Variants in ZFYVE26 observed in about 807,000 individuals in gnomAD.
The protein encoded by ZFYVE26 is zinc finger FYVE domain-containing protein 26.
A neutral mutation model predicts 276.5 loss-of-function variants in ZFYVE26; 181 were observed. The ratio of observed to expected loss-of-function variants is 0.65; its 90% CI spans 0.58 to 0.74. The LOEUF (loss-of-function observed/expected upper bound fraction) is 0.74, where lower values mean the gene tolerates loss of function less well. ZFYVE26 is among the 30% of genes least tolerant of loss of function. The pLI, the probability that ZFYVE26 is intolerant of heterozygous loss-of-function variation, is 0.00. For synonymous variants in ZFYVE26, 1,129 were observed against 1,203.1 expected (o/e 0.94, Z 1.27); for missense variants, 2,821 against 3,097.9 (o/e 0.91, Z 2.12).
At chr14:67,735,476 C>G (rs779814692) in intron 13 of ZFYVE26, 11 of 576,828 alleles carry the variant, frequency 1.9e-5, no homozygotes, top group South Asian at 1.5e-4. Context: ...GATTGGTGGC[C>G]GAGACACCGT....
intron 24 of ZFYVE26, 137 bp downstream of exon 24, chr14:67,777,989 G>C: frequency 7.2e-7 from 1 of 1,383,124 alleles, no homozygotes; most frequent in Non-Finnish European, 1.0e-6. Flanking sequence ...TGCTCAAGAT[G>C]ACTATAACCA....
At position 67,748,130 on chromosome 14, in the gene ZFYVE26, G is replaced by T; in HGVS notation, c.*306C>A. 2.5e-6 allele frequency: 1 copy of T among 405,670 alleles called. No homozygotes were observed. 25.1% of individuals were successfully genotyped at this position (405,670 alleles called of 1,614,324 possible). On this transcript the variant is annotated 3_prime_UTR_variant, in exon 42 of 42. Transcript: ENST00000347230. ...TTCATTTGTTCAGAAATGCTTGGGC[G>T]TAAACATCAGCGCACAGGAACATGC...
At chr14:67,782,486 G>A (rs1486621946) in intron 21 of ZFYVE26, among the ~76,000 whole-genome samples, 1 of 152,126 alleles carries the variant, frequency 6.6e-6, no homozygotes, top group Non-Finnish European at 1.5e-5. Context: ...CTGGGGAAGG[G>A]ACCCAAACAT....
chr14:67,809,172 G>C lies in ZFYVE26; in HGVS notation c.363+28C>G, dbSNP rs776275312. On this transcript the variant is annotated intron_variant, in intron 4 of 41. Coordinates refer to ENST00000347230, the MANE Select transcript of ZFYVE26 (RefSeq NM_015346.4). Reference sequence around the variant, plus strand: ...GCTGCTTAAGTGACTGTCAACCCTGGGCAGATGGTACCAGGGCTCTCTCTC... The same window carrying C: ...GCTGCTTAAGTGACTGTCAACCCTGCGCAGATGGTACCAGGGCTCTCTCTC... 21 of 1,591,846 alleles carry C rather than the reference G, an allele frequency of 1.3e-5. No homozygotes were observed. In the South Asian group the frequency reaches 2.3e-4, roughly 18 times the overall value.
intron 39 of ZFYVE26, among the ~76,000 whole-genome samples, chr14:67,752,998 C>T (rs947886644): frequency 9.9e-5 from 15 of 152,158 alleles, no homozygotes; most frequent in African/African-American, 3.1e-4. Flanking sequence ...TGCCACAGGG[C>T]CTGGGTGGAG....
chr14:67,788,104 T>A (rs2140230564), intron 16 of ZFYVE26, among the ~76,000 whole-genome samples: 1 of 151,440 alleles, frequency 6.6e-6, no homozygotes. Flanking sequence ...AAAAAAACCG[T>A]GGGTGGTTGG....
chr14:67,799,551 A>G lies in ZFYVE26; in HGVS notation c.1640-929T>C, dbSNP rs1005823432. ...TTTCTGGCTCAGATGGAAGCAAAGT[A>G]CTGCAAGTCTTCCAAAGGAGGAGGG... On this transcript the variant is annotated intron_variant, in intron 10 of 41. Coordinates refer to ENST00000347230, the MANE Select transcript of ZFYVE26 (RefSeq NM_015346.4). 72 of 1,536,166 alleles carry G rather than the reference A, an allele frequency of 4.7e-5. 1 individual carries two copies. Among genetic ancestry groups the G allele is most frequent in the African/African-American group, 1.4e-5 (1 of 73,152 alleles).
intron 6 of ZFYVE26, 64 bp downstream of exon 6, chr14:67,806,481 G>T: frequency 6.2e-7 from 1 of 1,601,842 alleles, no homozygotes; most frequent in Non-Finnish European, 8.5e-7. Flanking sequence ...AGAGAAATGA[G>T]GAATGAAAAA....
At position 67,758,106 on chromosome 14, in the gene ZFYVE26, A is replaced by G. The variant is rs1356698257; in HGVS notation, c.6589-1961T>C. Among the ~76,000 whole-genome samples the G allele has an allele frequency of 3.9e-5, 6 of 152,188 alleles. No homozygotes were observed. In the South Asian group the frequency reaches 1.2e-3, roughly 31 times the overall value. On this transcript the variant is annotated intron_variant, in intron 35 of 41. Transcript: ENST00000347230. ...CTTGGCATTTAGACTTGAGGTTAGG[A>G]GTAATTAACGGAGAGTCAAGGATGG...
chr14:67,750,640 G>A (rs992794744), intron 41 of ZFYVE26: 26 of 243,662 alleles, frequency 1.1e-4, no homozygotes, highest in Non-Finnish European at 1.9e-4. Context: ...GTGTGGGGTG[G>A]GGATTTTTTT....
exon 14 of ZFYVE26, chr14:67,729,231 C>G: frequency 6.2e-7 from 1 of 1,611,476 alleles, no homozygotes; most frequent in South Asian, 1.1e-5. Context: ...CAGGCGTCGT[C>G]CGCTCTGAGC....
At chr14:67,800,599 G>A (rs1455404985) in intron 10 of ZFYVE26, among the ~76,000 whole-genome samples, 1 of 152,064 alleles carries the variant, frequency 6.6e-6, no homozygotes, top group Non-Finnish European at 1.5e-5. Context: ...AAGCCATATT[G>A]ATCCAGTTGT....
rs1199340912 is a variant in ZFYVE26, at chr14:67,747,150, A to C, written c.*1286T>G. On this transcript the variant is annotated 3_prime_UTR_variant, in exon 42 of 42. Transcript: ENST00000347230. The stretch of plus-strand genomic sequence containing the variant: ...CTGCAGAGCTTTCTTTAGGCCCCAC[A>C]TTTGCAAATTGAAGTCACTGAGTAT... 1 of 152,586 alleles carries C rather than the reference A, an allele frequency of 6.6e-6. No individual in the cohort carries two copies. The highest frequency in any genetic ancestry group is 1.9e-4 in the East Asian group (1 of 5,186). The allele number at this position is 152,586 out of a possible 1,614,324, so 9.5% of individuals were successfully genotyped here. A position where few individuals can be genotyped will look rare whatever the true frequency, so the allele number is the denominator to read the frequency against.
At chr14:67,730,544 G>C (rs1270755023) in intron 13 of ZFYVE26, among the ~76,000 whole-genome samples, 1 of 152,146 alleles carries the variant, frequency 6.6e-6, no homozygotes, top group African/African-American at 2.4e-5. Flanking sequence ...TGCTCAGCTG[G>C]TAAGTACAAT....
At chr14:67,767,682 C>A in intron 31 of ZFYVE26, 22 bp downstream of exon 31, 1 of 1,613,960 alleles carries the variant, frequency 6.2e-7, no homozygotes, top group Non-Finnish European at 8.5e-7. Context: ...CTTAAGTGAC[C>A]ATTGCATTTT....
At position 67,754,181 on chromosome 14, in the gene ZFYVE26, C is replaced by G; in HGVS notation, c.7018G>C (p.Val2340Leu). 5 of 1,614,250 alleles carry G rather than the reference C, an allele frequency of 3.1e-6. No individual in the cohort carries two copies. Among genetic ancestry groups the G allele is most frequent in the Non-Finnish European group, 4.2e-6 (5 of 1,180,060 alleles). The change falls in exon 38 of 42, where the codon GTG (valine) becomes CTG (leucine). Residue 2340 changes from valine to leucine, a missense_variant. Coordinates refer to ENST00000347230, the MANE Select transcript of ZFYVE26 (RefSeq NM_015346.4). Reference protein sequence around the residue: ...HMNTLQLQMEVTRFLHRCESA... With the variant: ...HMNTLQLQMELTRFLHRCESA... ...TCGCACCGATGCAAGAACCTGGTCA[C>G]TTCCATCTGCAGCTGAAGTGTGTTC...
intron 13 of ZFYVE26, 92 bp downstream of exon 13, chr14:67,794,079 A>T (rs1375387177): frequency 1.4e-6 from 2 of 1,384,684 alleles, no homozygotes; most frequent in Non-Finnish European, 2.1e-6. Context: ...AACAACCTTG[A>T]CTGCTCAATC....
chr14:67,754,795 C>A (rs2038735904), intron 37 of ZFYVE26, among the ~76,000 whole-genome samples: 1 of 152,080 alleles, frequency 6.6e-6, no homozygotes, highest in African/African-American at 2.4e-5. Flanking sequence ...CGTGCAGGAG[C>A]CTTTTGGCCT....
At position 67,783,628 on chromosome 14, in the gene ZFYVE26, T is replaced by A. The variant is rs932818454; in HGVS notation, c.3627-103A>T. The A allele has an allele frequency of 2.7e-5, 39 of 1,452,502 alleles. No homozygotes were observed. The Middle Eastern group carries it at 6.4e-4, about 24-fold the overall frequency. The allele number at this position is 1,452,502 out of a possible 1,614,324, so 90.0% of individuals were successfully genotyped here. On this transcript the variant is annotated intron_variant, in intron 20 of 41. Transcript: ENST00000347230. ...TTACATGAGCAAATGTAAATAAAAG[T>A]TCCTAATTGTCACACTCTTTTTTTA...
Sources: allele counts gnomAD v4.1 joint callset (sites outside exome capture counted in the v4.1 genomes callset), GRCh38; gene constraint gnomAD v4.1.1; transcripts MANE v1.5; gene names NCBI Gene and HGNC (gene_info 2026-07-23, HGNC 2026-07-21).